Variants in KIF13A observed in about 807,000 individuals in gnomAD.
KIF13A encodes kinesin family member 13A.
A neutral mutation model predicts 212.2 loss-of-function variants in KIF13A; 79 were observed. The ratio of observed to expected loss-of-function variants is 0.37; its 90% CI spans 0.31 to 0.45. The LOEUF (loss-of-function observed/expected upper bound fraction) is 0.45, where lower values mean the gene tolerates loss of function less well. KIF13A is among the 20% of genes least tolerant of loss of function. KIF13A has a pLI of 1.00. For missense variants in KIF13A, 1,901 were observed against 2,209.0 expected (o/e 0.86, Z 2.79); for synonymous variants, 789 against 808.6 (o/e 0.98, Z 0.41).
Position 17,809,890 on chromosome 6 carries a change from C to T in KIF13A, c.2001-960G>A, listed in dbSNP as rs16879980. ...TCGTCACCTTAGAAATGACAGAAGACGCATGCTGTGCGGATGCTAAGGTAA... is the reference window on the plus strand; with the variant it reads ...TCGTCACCTTAGAAATGACAGAAGATGCATGCTGTGCGGATGCTAAGGTAA... On this transcript the variant is annotated intron_variant, in intron 17 of 38. Transcript: ENST00000259711. This position sits in a 1 kb window ranked among gnomAD's most constrained non-coding sequence, Gnocchi z 4.7. 9.2e-3 allele frequency among the ~76,000 whole-genome samples: 1,406 copies of T among 152,234 alleles called. 29 individuals are homozygous for T. Among genetic ancestry groups the T allele is most frequent in the African/African-American group, 0.032 (1,321 of 41,548 alleles).
chr6:17,841,671 A>G (rs1001306491), intron 9 of KIF13A, among the ~76,000 whole-genome samples: 2 of 152,148 alleles, frequency 1.3e-5, no homozygotes, highest in South Asian at 4.1e-4. Flanking sequence ...CGCCCCTTTT[A>G]TCTAATAGTA....
At chr6:17,873,809 C>T (rs1770242156) in intron 3 of KIF13A, among the ~76,000 whole-genome samples, 2 of 152,004 alleles carry the variant, frequency 1.3e-5, no homozygotes, top group African/African-American at 2.4e-5. Context: ...AGGCTGGTCT[C>T]GAACTCCTGG....
chr6:17,800,670 G>A (rs955500954), intron 20 of KIF13A, among the ~76,000 whole-genome samples: 2 of 150,150 alleles, frequency 1.3e-5, no homozygotes, highest in Admixed American at 1.3e-4. Context: ...GCGTGATCTC[G>A]GCTCACTGCA....
At position 17,777,297 on chromosome 6, in the gene KIF13A, T is replaced by A. The variant is rs961422777; in HGVS notation, c.4150A>T (p.Ser1384Cys). 1 of 1,613,108 alleles carries A rather than the reference T, an allele frequency of 6.2e-7. No homozygotes were observed. The highest frequency in any genetic ancestry group is 8.5e-7 in the Non-Finnish European group (1 of 1,179,410). ...TKARHIRRSL[S>C]TPNVHNVSSS... ...CTTACATTATGAACATTTGGTGTAC[T>A]GAGGCTCCTCCGAATGTGCCGGGCT... Residue 1384 changes from serine (S) to cysteine (C), a missense_variant, in exon 34 of 39, where the codon AGT (serine) becomes TGT (cysteine). This residue lies in a region of KIF13A where 687 missense variants were observed against 759.1 expected (regional missense o/e 0.90). Coordinates refer to ENST00000259711, the MANE Select transcript of KIF13A (RefSeq NM_022113.6). This position sits in a 1 kb window ranked among gnomAD's most constrained non-coding sequence, Gnocchi z 4.4.
At chr6:17,870,159 C>T (rs978822668) in intron 4 of KIF13A, among the ~76,000 whole-genome samples, 3 of 152,116 alleles carry the variant, frequency 2.0e-5, no homozygotes, top group Admixed American at 2.0e-4. Context: ...GAAGGAGCAT[C>T]ATAGTATTTG....
intron 2 of KIF13A, among the ~76,000 whole-genome samples, chr6:17,972,345 G>C (rs900199776): frequency 3.3e-5 from 5 of 152,188 alleles, no homozygotes; most frequent in Admixed American, 2.6e-4. Flanking sequence ...AATAGAAGTA[G>C]AGAGCAAAAA....
chr6:17,964,607 C>T (rs1779133409), intron 2 of KIF13A, among the ~76,000 whole-genome samples: 1 of 151,996 alleles, frequency 6.6e-6, no homozygotes, highest in African/African-American at 2.4e-5. Flanking sequence ...TAGGTGGAAT[C>T]CTATCAAAAT....
intron 4 of KIF13A, among the ~76,000 whole-genome samples, chr6:17,863,827 T>G (rs1356357174): frequency 6.6e-6 from 1 of 152,168 alleles, no homozygotes; most frequent in East Asian, 1.9e-4. Flanking sequence ...CTTTGTTCAC[T>G]TCTATTTTTT....
In KIF13A at chr6:17,919,126, C is replaced by T. The variant is rs1008418728; in HGVS notation, c.147-20946G>A. The stretch of plus-strand genomic sequence containing the variant: ...GGTGATGTTTCCCTGAATAACTCCA[C>T]TCTTTGGATTGAAGACCAAGTAAAC... On this transcript the variant is annotated intron_variant, in intron 2 of 38. Coordinates refer to ENST00000259711, the MANE Select transcript of KIF13A (RefSeq NM_022113.6). This position sits in a 1 kb window ranked among gnomAD's most constrained non-coding sequence, Gnocchi z 4.1. 2.0e-5 allele frequency among the ~76,000 whole-genome samples: 3 copies of T among 152,178 alleles called. No individual in the cohort carries two copies. Among genetic ancestry groups the T allele is most frequent in the African/African-American group, 7.2e-5 (3 of 41,440 alleles).
At chr6:17,801,877 G>T (rs1323804674) in intron 20 of KIF13A, among the ~76,000 whole-genome samples, 1 of 152,138 alleles carries the variant, frequency 6.6e-6, no homozygotes, top group Non-Finnish European at 1.5e-5. Flanking sequence ...TTCATTAAAA[G>T]GTTTTAAATT....
Position 17,763,752 on chromosome 6 carries a change from T to C in KIF13A, c.*358A>G. 1.3e-6 allele frequency: 1 copy of C among 791,342 alleles called. No homozygotes were observed. The highest frequency in any genetic ancestry group is 4.9e-5 in the Admixed American group (1 of 20,262). 49.0% of individuals were successfully genotyped at this position (791,342 alleles called of 1,614,324 possible). ...TTCTTAATGATACATAAAATAATGG[T>C]TCATATAATAATCAAAGGAATCACA... On this transcript the variant is annotated 3_prime_UTR_variant, in exon 39 of 39. Transcript: ENST00000259711.
chr6:17,780,078 T>C (rs944069854), intron 31 of KIF13A, among the ~76,000 whole-genome samples: 23 of 152,216 alleles, frequency 1.5e-4, no homozygotes, highest in Non-Finnish European at 2.9e-5. Flanking sequence ...TGTAGAAGCA[T>C]TACAAGTTAC....
chr6:17,807,410 T>TA (rs1276478371), intron 18 of KIF13A, among the ~76,000 whole-genome samples: 1 of 152,102 alleles, frequency 6.6e-6, no homozygotes, highest in African/African-American at 2.4e-5. Flanking sequence ...CTGGTTGAGA[T>TA]AAGCACTGAG....
chr6:17,881,478 T>C (rs1771055485), intron 3 of KIF13A: 1 of 427,670 alleles, frequency 2.3e-6, no homozygotes, highest in Non-Finnish European at 4.5e-6. Context: ...CAGTGGCTTA[T>C]GAGGTCAGGA....
rs894303252 is a variant in KIF13A at position 17,987,028 on chromosome 6, A to C, written c.146+26T>G. On this transcript the variant is annotated intron_variant, in intron 2 of 38. Coordinates refer to ENST00000259711, the MANE Select transcript of KIF13A (RefSeq NM_022113.6). This position sits in a 1 kb window ranked among gnomAD's most constrained non-coding sequence, Gnocchi z 7.7. Reference sequence around the variant, plus strand: ...GGACCCCGCGAGGCTGGATCCTCCCAGCCGCCCTCTCGGAACCCGCTTTAC... The same window carrying C: ...GGACCCCGCGAGGCTGGATCCTCCCCGCCGCCCTCTCGGAACCCGCTTTAC... 6.3e-7 allele frequency: 1 copy of C among 1,581,406 alleles called. No homozygotes were observed. Among genetic ancestry groups the C allele is most frequent in the Non-Finnish European group, 8.7e-7 (1 of 1,150,606 alleles).
At position 17,774,160 on chromosome 6, in the gene KIF13A, C is replaced by T. The variant is rs187309226; in HGVS notation, c.4219-577G>A. 5.9e-5 allele frequency among the ~76,000 whole-genome samples: 9 copies of T among 152,310 alleles called. No homozygotes were observed. In the East Asian group the frequency reaches 1.5e-3, roughly 26 times the overall value. On this transcript the variant is annotated intron_variant, in intron 35 of 38. Transcript: ENST00000259711. ...TGTCAACTTATCAGGAGTTGATTGC[C>T]TCTGAAGACTAAATTTTAAACTTCT...
intron 17 of KIF13A, among the ~76,000 whole-genome samples, chr6:17,810,074 C>A (rs1295417905): frequency 6.6e-6 from 1 of 151,816 alleles, no homozygotes; most frequent in African/African-American, 2.4e-5. Context: ...TAAAAAAAAA[C>A]AAAAAAGGTG....
chr6:17,836,713 G>C (rs1765986661), intron 11 of KIF13A, among the ~76,000 whole-genome samples, 165 bp downstream of exon 11: 1 of 152,114 alleles, frequency 6.6e-6, no homozygotes, highest in Admixed American at 6.6e-5. Flanking sequence ...CCTCCTACCA[G>C]GCCACTCCTC....
chr6:17,798,621 G>A (rs1762234414), intron 22 of KIF13A, among the ~76,000 whole-genome samples: 1 of 152,120 alleles, frequency 6.6e-6, no homozygotes. Flanking sequence ...GAAGTCTAAG[G>A]AAAAACAAAA....
Sources: gnomAD v4.1 joint callset for allele counts (sites outside exome capture counted in the v4.1 genomes callset) on GRCh38, gnomAD v4.1.1 for gene constraint, gnomAD v4.1.1 regional missense constraint, Gnocchi (gnomAD v3.1) non-coding constraint, MANE v1.5 for transcripts, NCBI Gene and HGNC (gene_info 2026-07-23, HGNC 2026-07-21) for gene names.